The following NAA15 variants were observed in gnomAD, a reference collection of about 807,000 sequenced individuals.
NAA15 encodes N-terminal acetyltransferase.
In NAA15, 34 loss-of-function variants were observed where a neutral mutation model predicts 114.0. The ratio of observed to expected loss-of-function variants is 0.30; its 90% confidence interval spans 0.23 to 0.40. The LOEUF is 0.40. NAA15 is among the 10% of genes least tolerant of loss of function. The pLI, the probability that NAA15 is intolerant of heterozygous loss-of-function variation, is 1.00. For missense variants in NAA15, 658 were observed against 1,004.5 expected (o/e 0.66, Z 4.66); for synonymous variants, 340 against 338.0 (o/e 1.01, Z -0.06).
intron 17 of NAA15, among the ~76,000 whole-genome samples, chr4:139,379,638 T>C (rs1748685849): frequency 6.6e-6 from 1 of 152,214 alleles, no homozygotes; most frequent in Non-Finnish European, 1.5e-5. Context: ...GAATAATCTA[T>C]AGAATTTGGA....
chr4:139,310,385 C>T (rs1480457785), intron 1 of NAA15, among the ~76,000 whole-genome samples: 2 of 145,358 alleles, frequency 1.4e-5, no homozygotes, highest in East Asian at 2.1e-4. Context: ...ACCCAGGAGG[C>T]GGAGCTTGCA....
rs764023698 is a variant in NAA15, at chr4:139,388,060, T to G, written c.2577T>G (p.Ala859=). 10 of 1,613,638 alleles carry G rather than the reference T, an allele frequency of 6.2e-6. No homozygotes were observed. The Admixed American group carries it at 1.7e-4, about 27-fold the overall frequency. ...TTAATGGAGATAGTTCTGCAGAAGC[T>G]GAAGAACTGGCCAATGAAATTTGAA... ...ITVNGDSSAE[A]EELANEI Residue 859 remains alanine (A), a synonymous_variant, in exon 20 of 20, where the codon GCT becomes GCG. Transcript: ENST00000296543.
chr4:139,359,950 A>G lies in NAA15; in HGVS notation c.1410+55A>G. ...ATAAAGAAGACATGAGCCAGTTCATACTTGTATAACATGCTTATTTTTCAA... is the reference window on the plus strand; with the variant it reads ...ATAAAGAAGACATGAGCCAGTTCATGCTTGTATAACATGCTTATTTTTCAA... On this transcript the variant is annotated intron_variant, in intron 12 of 19. Coordinates refer to ENST00000296543, the MANE Select transcript of NAA15 (RefSeq NM_057175.5). The G allele has an allele frequency of 6.9e-6, 10 of 1,457,372 alleles. No individual in the cohort carries two copies. The South Asian group carries it at 1.0e-4, about 15-fold the overall frequency. 90.3% of individuals were successfully genotyped at this position (1,457,372 alleles called of 1,614,324 possible). A position where few individuals can be genotyped will look rare whatever the true frequency, so the allele number is the denominator to read the frequency against.
At chr4:139,315,383 G>A (rs888350182) in intron 1 of NAA15, among the ~76,000 whole-genome samples, 1 of 151,844 alleles carries the variant, frequency 6.6e-6, no homozygotes, top group Non-Finnish European at 1.5e-5. Flanking sequence ...GCCAGGCGTG[G>A]TGGTACGTGC....
intron 7 of NAA15, among the ~76,000 whole-genome samples, chr4:139,349,945 C>T (rs185642503): frequency 1.3e-4 from 19 of 151,774 alleles, no homozygotes; most frequent in African/African-American, 4.6e-4. Flanking sequence ...AGCATAGTGC[C>T]ACTGCATTCC....
chr4:139,340,511 T>C (rs998334336), intron 3 of NAA15, among the ~76,000 whole-genome samples: 1 of 152,212 alleles, frequency 6.6e-6, no homozygotes, highest in Non-Finnish European at 1.5e-5. Context: ...TTTTTCCTTT[T>C]ACTATTAATA....
At chr4:139,386,807 G>A (rs1391589004) in intron 19 of NAA15, among the ~76,000 whole-genome samples, 1 of 152,086 alleles carries the variant, frequency 6.6e-6, no homozygotes, top group Non-Finnish European at 1.5e-5. Context: ...GGACAACAGG[G>A]CAAGACCCTA....
intron 9 of NAA15, among the ~76,000 whole-genome samples, chr4:139,353,470 C>T (rs188413990): frequency 2.6e-5 from 4 of 152,214 alleles, no homozygotes; most frequent in South Asian, 2.1e-4. Flanking sequence ...ATAAAAAATG[C>T]TCAGAGATCT....
intron 16 of NAA15, 61 bp downstream of exon 16, chr4:139,376,534 C>A: frequency 9.9e-7 from 1 of 1,008,518 alleles, no homozygotes; most frequent in South Asian, 1.3e-5. Flanking sequence ...TAGGTATAGT[C>A]ACCCAACTCT....
chr4:139,319,429 A>G (rs1166674179), intron 1 of NAA15, among the ~76,000 whole-genome samples: 3 of 148,146 alleles, frequency 2.0e-5, no homozygotes, highest in Non-Finnish European at 3.0e-5. Flanking sequence ...CTTTTATTTT[A>G]TTTTTGCTTT....
At chr4:139,378,636 A>G (rs562860042) in intron 16 of NAA15, 120 bp from the exon 17 acceptor site, 29 of 460,636 alleles carry the variant, frequency 6.3e-5, no homozygotes, top group Admixed American at 1.3e-4. Flanking sequence ...CCTCAATCGT[A>G]TGTTTGTGGT....
chr4:139,318,204 C>T (rs994703861), intron 1 of NAA15, among the ~76,000 whole-genome samples: 1 of 151,988 alleles, frequency 6.6e-6, no homozygotes, highest in African/African-American at 2.4e-5. Context: ...CTTTTTTATT[C>T]TGAGACTGAG....
At chr4:139,385,283 A>AATATATATATATATATATAAT (rs35008407) in intron 18 of NAA15, among the ~76,000 whole-genome samples, 9 of 100,490 alleles carry the variant, frequency 9.0e-5, no homozygotes, top group African/African-American at 1.1e-4. Context: ...ATATATATAT[A>AATATATATATATATATATAAT]ATATATATAT....
intron 10 of NAA15, among the ~76,000 whole-genome samples, chr4:139,357,124 G>A (rs963843743): frequency 6.6e-6 from 1 of 151,766 alleles, no homozygotes; most frequent in Non-Finnish European, 1.5e-5. Flanking sequence ...TTCTTTCTAG[G>A]TAGTTAGACC....
intron 1 of NAA15, among the ~76,000 whole-genome samples, chr4:139,303,003 A>G (rs1745862446): frequency 6.6e-6 from 1 of 152,202 alleles, no homozygotes; most frequent in Non-Finnish European, 1.5e-5. Flanking sequence ...CCGCAGTTAT[A>G]ATTTATTTCA....
At chr4:139,345,102 G>C (rs1460329473) in intron 6 of NAA15, among the ~76,000 whole-genome samples, 1 of 152,318 alleles carries the variant, frequency 6.6e-6, no homozygotes, top group East Asian at 1.9e-4. Flanking sequence ...GGCTCACCTT[G>C]AGGTTGAACA....
chr4:139,330,679 A>G (rs925868175), intron 1 of NAA15, among the ~76,000 whole-genome samples: 1 of 152,122 alleles, frequency 6.6e-6, no homozygotes, highest in African/African-American at 2.4e-5. Flanking sequence ...GGCGAGAAAA[A>G]TCAGTTGTAT....
rs773714188 is a variant in NAA15, at chr4:139,308,026, A to G, written c.54+6195A>G. Among the ~76,000 whole-genome samples, 10 of 152,078 alleles carry G rather than the reference A, an allele frequency of 6.6e-5. 1 individual carries two copies. Among genetic ancestry groups the G allele is most frequent in the Admixed American group, 5.2e-4 (8 of 15,244 alleles). On this transcript the variant is annotated intron_variant, in intron 1 of 19. Transcript: ENST00000296543. Reference sequence around the variant, plus strand: ...GCCCAGGCTGGAGTGTAGTGGTGCAATCTCGGCTCATTGCATGCTCTGCCT... The same window carrying G: ...GCCCAGGCTGGAGTGTAGTGGTGCAGTCTCGGCTCATTGCATGCTCTGCCT...
chr4:139,350,287 G>C (rs1309122228), intron 7 of NAA15, among the ~76,000 whole-genome samples: 1 of 152,138 alleles, frequency 6.6e-6, no homozygotes, highest in African/African-American at 2.4e-5. Context: ...TTAAATAAAA[G>C]GAAATTTCCA....
Sources: gnomAD v4.1 joint callset for allele counts (sites outside exome capture counted in the v4.1 genomes callset) on GRCh38, gnomAD v4.1.1 for gene constraint, MANE v1.5 for transcripts, NCBI Gene and HGNC (gene_info 2026-07-23, HGNC 2026-07-21) for gene names.